RYR2: variants seen among roughly 807,000 people sequenced by gnomAD.
RYR2 encodes the protein ryanodine receptor 2, also known as cardiac muscle ryanodine receptor-calcium release channel.
In RYR2, 227 loss-of-function variants were observed where a neutral mutation model predicts 601.1. That is an observed-to-expected ratio of 0.38 (90% confidence interval 0.34 to 0.42). The LOEUF is 0.42. RYR2 is among the 10% of genes least tolerant of loss of function. The probability of loss-of-function intolerance (pLI) is 1.00; values close to 1 mark genes in which losing one functional copy is unlikely to be tolerated. For missense variants in RYR2, 4,646 were observed against 6,156.5 expected (o/e 0.75, Z 8.21); for synonymous variants, 2,223 against 2,175.1 (o/e 1.02, Z -0.61).
intron 101 of RYR2, among the ~76,000 whole-genome samples, chr1:237,825,390 A>C (rs796651876): frequency 1.3e-5 from 2 of 152,212 alleles, no homozygotes; most frequent in African/African-American, 4.8e-5. Flanking sequence ...TCTTTGACAA[A>C]CCTGACAAAA....
chr1:237,153,694 A>G (rs1674990538), intron 1 of RYR2, among the ~76,000 whole-genome samples: 1 of 152,048 alleles, frequency 6.6e-6, no homozygotes, highest in Admixed American at 6.6e-5. Context: ...GACAATCTGC[A>G]AAACCGTTAT....
At chr1:237,377,577 A>C in intron 8 of RYR2, 142 bp downstream of exon 8, 1 of 575,824 alleles carries the variant, frequency 1.7e-6, no homozygotes, top group Non-Finnish European at 2.9e-6. Flanking sequence ...TTAATTATAA[A>C]TAACTTCCTA....
chr1:237,799,336 T>C (rs1659670465), intron 97 of RYR2, among the ~76,000 whole-genome samples: 1 of 152,186 alleles, frequency 6.6e-6, no homozygotes. Context: ...CATTTTCAGA[T>C]CCTTAACAAG....
At chr1:237,669,371 C>T (rs1357731841) in intron 58 of RYR2, among the ~76,000 whole-genome samples, 3 of 152,158 alleles carry the variant, frequency 2.0e-5, no homozygotes, top group Non-Finnish European at 2.9e-5. Flanking sequence ...CATCATGGCC[C>T]GTTCTCAATG....
chr1:237,293,649 A>C (rs1284780033), intron 2 of RYR2, among the ~76,000 whole-genome samples: 1 of 152,168 alleles, frequency 6.6e-6, no homozygotes, highest in Non-Finnish European at 1.5e-5. Flanking sequence ...ACTAATGTTT[A>C]CCTATTTATT....
intron 1 of RYR2, among the ~76,000 whole-genome samples, chr1:237,152,648 A>G (rs908029489): frequency 7.2e-5 from 11 of 152,190 alleles, no homozygotes; most frequent in African/African-American, 2.7e-4. Flanking sequence ...CATGAAACAA[A>G]AATTAACTCA....
rs141344006 is a variant in RYR2 at position 237,688,703 on chromosome 1, A to G, written c.9067+1199A>G. On this transcript the variant is annotated intron_variant, in intron 63 of 104. Transcript: ENST00000366574. ...TTCTCTTCAACAGAGAAATATTTTC[A>G]TGGGCTTATTCAGGCAGGATTTTCA... Among the ~76,000 whole-genome samples the G allele has an allele frequency of 4.2e-3, 644 of 152,220 alleles. 5 individuals carry two copies. The highest frequency in any genetic ancestry group is 0.014 in the African/African-American group (597 of 41,546).
chr1:237,482,430 CT>C (rs1311228175), intron 17 of RYR2, among the ~76,000 whole-genome samples: 1 of 152,052 alleles, frequency 6.6e-6, no homozygotes, highest in East Asian at 1.9e-4. Flanking sequence ...ATTTTTAGAT[CT>C]CGCAAATAAG....
chr1:237,325,507 T>C (rs1696070405), intron 2 of RYR2, among the ~76,000 whole-genome samples: 2 of 152,070 alleles, frequency 1.3e-5, no homozygotes, highest in Admixed American at 6.5e-5. Context: ...GCTAACACGA[T>C]GAAACCCCAT....
At chr1:237,211,520 G>C (rs778058489) in intron 1 of RYR2, among the ~76,000 whole-genome samples, 5 of 152,184 alleles carry the variant, frequency 3.3e-5, no homozygotes, top group Admixed American at 6.5e-5. Context: ...ACGTGGTACA[G>C]CTGGGATGAG....
chr1:237,793,325 A>G (rs1236793251), intron 94 of RYR2, among the ~76,000 whole-genome samples: 1 of 150,760 alleles, frequency 6.6e-6, no homozygotes, highest in African/African-American at 2.5e-5. Context: ...TAAAAAGAGA[A>G]TCATTATGTT....
intron 1 of RYR2, among the ~76,000 whole-genome samples, chr1:237,269,373 TA>T (rs796662642): frequency 1.8e-4 from 26 of 144,540 alleles, no homozygotes; most frequent in Admixed American, 2.8e-4. Flanking sequence ...TAGCTAAAAA[TA>T]AAAAAAAAAA....
chr1:237,403,279 A>G (rs918549485), intron 10 of RYR2, among the ~76,000 whole-genome samples: 2 of 152,230 alleles, frequency 1.3e-5, no homozygotes, highest in Admixed American at 6.5e-5. Flanking sequence ...CTCGAAAAGC[A>G]AAAAGATATA....
chr1:237,052,430 A>G (rs771610481), intron 1 of RYR2, among the ~76,000 whole-genome samples: 3 of 152,342 alleles, frequency 2.0e-5, no homozygotes, highest in Middle Eastern at 3.4e-3. Flanking sequence ...TGAAAAAAAC[A>G]TGAAAGGCAG....
At chr1:237,636,005 G>C (rs74147179) in intron 44 of RYR2, among the ~76,000 whole-genome samples, 1,694 of 148,222 alleles carry the variant, frequency 0.011, 45 homozygotes, top group African/African-American at 0.04. Flanking sequence ...CATCCATGCT[G>C]TGTAAAACTG....
At chr1:237,280,271 T>C (rs936474064) in intron 2 of RYR2, among the ~76,000 whole-genome samples, 3 of 152,222 alleles carry the variant, frequency 2.0e-5, no homozygotes, top group African/African-American at 7.2e-5. Context: ...ATTCACTTCA[T>C]ATATAGTTTA....
chr1:237,700,486 TG>T lies in RYR2; in HGVS notation c.9367+21del, dbSNP rs760886730. On this transcript the variant is annotated intron_variant, in intron 65 of 104. Transcript: ENST00000366574. ...CTAATATGTATGTAAATTTATATCT[TG>T]GAGTTTTTTTTTTTTTAATCGAAAT... is the stretch of plus-strand genomic sequence containing the variant. The T allele has an allele frequency of 7.6e-7, 1 of 1,309,642 alleles. No individual in the cohort carries two copies. The highest frequency in any genetic ancestry group is 1.1e-6 in the Non-Finnish European group (1 of 938,592). The allele number at this position is 1,309,642 out of a possible 1,614,324, so 81.1% of individuals were successfully genotyped here. A position where few individuals can be genotyped will look rare whatever the true frequency, so the allele number is the denominator to read the frequency against.
chr1:237,515,305 T>A (rs906191243), intron 24 of RYR2, among the ~76,000 whole-genome samples: 1 of 152,252 alleles, frequency 6.6e-6, no homozygotes, highest in African/African-American at 2.4e-5. Context: ...AAATAATTGA[T>A]ATAAGGATTT....
At chr1:237,812,431 A>G (rs1458146456) in intron 100 of RYR2, among the ~76,000 whole-genome samples, 1 of 152,226 alleles carries the variant, frequency 6.6e-6, no homozygotes, top group Admixed American at 6.5e-5. Context: ...CAGAAATTCC[A>G]GAAGTTTTGG....
Sources: allele counts gnomAD v4.1 joint callset (sites outside exome capture counted in the v4.1 genomes callset), GRCh38; gene constraint gnomAD v4.1.1; transcripts MANE v1.5; gene names NCBI Gene and HGNC (gene_info 2026-07-23, HGNC 2026-07-21).